EVC: variants seen among roughly 807,000 people sequenced by gnomAD.
The protein encoded by EVC is EvC ciliary complex subunit 1, also known as evC complex member EVC.
A neutral mutation model predicts 118.9 loss-of-function variants in EVC; 116 were observed. That is an observed-to-expected ratio of 0.98 (90% CI 0.84 to 1.14). EVC has a LOEUF of 1.14. Ranked by LOEUF, EVC falls within the 50% of genes most tolerant of loss-of-function variation. The pLI is 0.00. For synonymous variants in EVC, 619 were observed against 534.7 expected, an observed-to-expected ratio of 1.16 and a Z score of -2.18; for missense variants, 1,401 against 1,246.4, an observed-to-expected ratio of 1.12 and a Z score of -1.87.
At chr4:5,722,398 G>C (rs1431673627) in intron 2 of EVC, among the ~76,000 whole-genome samples, 2 of 152,198 alleles carry the variant, frequency 1.3e-5, no homozygotes, top group Admixed American at 1.3e-4. Context: ...CCTTGTTTCA[G>C]TGACTGGCTT....
At chr4:5,761,788 G>C (rs1429490565) in intron 11 of EVC, among the ~76,000 whole-genome samples, 6 of 151,752 alleles carry the variant, frequency 4.0e-5, no homozygotes, top group Admixed American at 1.3e-4. Flanking sequence ...GGTACAATGA[G>C]TTGTGTTCCA....
At chr4:5,776,678 C>T (rs1186095949) in intron 11 of EVC, among the ~76,000 whole-genome samples, 1 of 152,090 alleles carries the variant, frequency 6.6e-6, no homozygotes, top group African/African-American at 2.4e-5. Context: ...TTATCTTTTC[C>T]TCCATATTTT....
At chr4:5,805,809 T>G (rs952257654) in intron 17 of EVC, among the ~76,000 whole-genome samples, 1 of 151,906 alleles carries the variant, frequency 6.6e-6, no homozygotes, top group African/African-American at 2.4e-5. Context: ...CATGAGCCCA[T>G]CTGTGACTCA....
the EVC span, chr4:5,824,401 C>G: frequency 1.0e-6 from 1 of 985,196 alleles, no homozygotes; most frequent in African/African-American, 1.7e-5. Context: ...TGATTCATGC[C>G]TCCTCGGCAT....
At chr4:5,828,373 G>A in the EVC span, 100 of 1,450,688 alleles carry the variant, frequency 6.9e-5, 1 homozygote, top group South Asian at 4.9e-4. Context: ...ATAAGGAAAC[G>A]GAGGTTCCCA....
intron 16 of EVC, among the ~76,000 whole-genome samples, chr4:5,802,820 C>T (rs1033198497): frequency 7.2e-5 from 11 of 152,168 alleles, no homozygotes; most frequent in Admixed American, 3.3e-4. Flanking sequence ...ACTCATCTGC[C>T]GCTCACGTCT....
intron 2 of EVC, among the ~76,000 whole-genome samples, chr4:5,721,107 G>A (rs554710138): frequency 6.6e-6 from 1 of 152,104 alleles, no homozygotes; most frequent in Non-Finnish European, 1.5e-5. Flanking sequence ...CTGTCTCTGT[G>A]TCTCTCTTCC....
At chr4:5,810,477 CT>C (rs1716728560) in intron 20 of EVC, 27 bp downstream of exon 20, 1 of 1,570,500 alleles carries the variant, frequency 6.4e-7, no homozygotes, top group South Asian at 1.2e-5. Flanking sequence ...GACCTGTTGC[CT>C]GTGGCTGGGT....
chr4:5,758,265 A>T, intron 11 of EVC: 4 of 602,580 alleles, frequency 6.6e-6, no homozygotes, highest in Non-Finnish European at 1.2e-5. Context: ...GTTTCATACT[A>T]ATGCCCTCCG....
chr4:5,741,793 G>A lies in EVC; in HGVS notation c.780G>A (p.Lys260=), dbSNP rs41269555. ...KKKSDDELYQ[K]ILSKQEKDLE... is the part of the protein sequence containing the mutation. ...AGTCAGATGATGAACTATACCAGAAGATCCTTTCAAAACAAGAAAAAGTAA... is the reference window on the plus strand; with the variant it reads ...AGTCAGATGATGAACTATACCAGAAAATCCTTTCAAAACAAGAAAAAGTAA... Residue 260 remains lysine (K), a synonymous_variant, in exon 6 of 21, where the codon AAG becomes AAA. Transcript: ENST00000264956. 8.6e-3 allele frequency: 13,097 copies of A among 1,519,022 alleles called. 90 individuals are homozygous for A. Among genetic ancestry groups the A allele is most frequent in the Non-Finnish European group, 0.011 (11,819 of 1,095,348 alleles). 94.1% of individuals were successfully genotyped at this position (1,519,022 alleles called of 1,614,324 possible).
At chr4:5,821,745 T>C in the EVC span, 1 of 1,598,502 alleles carries the variant, frequency 6.3e-7, no homozygotes, top group Non-Finnish European at 8.5e-7. The surrounding 1 kb of genome is among the most constrained non-coding windows in gnomAD (Gnocchi z 4.4). Flanking sequence ...GGCTAGCTCC[T>C]CCGCGCATCC....
intron 2 of EVC, among the ~76,000 whole-genome samples, chr4:5,720,458 C>T (rs190410719): frequency 2.0e-5 from 3 of 152,286 alleles, no homozygotes; most frequent in African/African-American, 4.8e-5. Flanking sequence ...CAGAGTGCTG[C>T]GTCCCCACAC....
At chr4:5,805,012 C>G (rs1234116065) in intron 17 of EVC, among the ~76,000 whole-genome samples, 171 bp downstream of exon 17, 2 of 152,156 alleles carry the variant, frequency 1.3e-5, no homozygotes, top group Non-Finnish European at 2.9e-5. Flanking sequence ...CCATGCAGCA[C>G]CTGGAGTGGC....
chr4:5,729,345 C>A lies in EVC; in HGVS notation c.339C>A (p.Phe113Leu). The A allele has an allele frequency of 6.2e-7, 1 of 1,614,100 alleles. No homozygotes were observed. The highest frequency in any genetic ancestry group is 8.5e-7 in the Non-Finnish European group (1 of 1,180,028). The change falls in exon 3 of 21, where the codon TTC becomes TTA. Residue 113 changes from phenylalanine to leucine, a missense_variant. Coordinates refer to ENST00000264956, the MANE Select transcript of EVC (RefSeq NM_153717.3). Reference protein sequence around the residue: ...EPPSNSNITAFALKAKVIYPI... With the variant: ...EPPSNSNITALALKAKVIYPI... ...CTTCCAACAGCAATATCACAGCATT[C>A]GCCCTGAAGGCCAAAGTCATCTACC...
At chr4:5,815,225 G>A (rs1250315415), downstream of EVC, among the ~76,000 whole-genome samples, 1 of 152,118 alleles carries the variant, frequency 6.6e-6, no homozygotes, top group Non-Finnish European at 1.5e-5. Context: ...GGTGGGGTCT[G>A]TGCACAGGTG....
At chr4:5,808,586 T>G (rs950233412) in intron 18 of EVC, among the ~76,000 whole-genome samples, 1 of 152,174 alleles carries the variant, frequency 6.6e-6, no homozygotes. Context: ...GAGCAGCTGG[T>G]CAGGCCTCAT....
chr4:5,716,143 G>A (rs1250672318), intron 1 of EVC, among the ~76,000 whole-genome samples: 1 of 152,224 alleles, frequency 6.6e-6, no homozygotes, highest in Non-Finnish European at 1.5e-5. Flanking sequence ...AAAAAGGGAG[G>A]TGTTTATTCA....
At chr4:5,732,878 T>A (rs1389944486) in intron 4 of EVC, among the ~76,000 whole-genome samples, 1 of 151,914 alleles carries the variant, frequency 6.6e-6, no homozygotes, top group Non-Finnish European at 1.5e-5. Context: ...GGTATGGTGG[T>A]GCATGCCTGT....
At chr4:5,734,932 G>T (rs1254154801) in intron 5 of EVC, among the ~76,000 whole-genome samples, 1 of 152,182 alleles carries the variant, frequency 6.6e-6, no homozygotes, top group Non-Finnish European at 1.5e-5. Flanking sequence ...TTCCTGAGAG[G>T]ACCAGTTGTT....
Sources: gnomAD v4.1 joint callset for allele counts (sites outside exome capture counted in the v4.1 genomes callset) on GRCh38, gnomAD v4.1.1 for gene constraint, Gnocchi (gnomAD v3.1) non-coding constraint, MANE v1.5 for transcripts, NCBI Gene and HGNC (gene_info 2026-07-23, HGNC 2026-07-21) for gene names.